PIK3CD: variants seen among roughly 807,000 people sequenced by gnomAD.
PIK3CD encodes phosphatidylinositol 4,5-bisphosphate 3-kinase catalytic subunit delta isoform.
A neutral mutation model predicts 122.9 loss-of-function variants in PIK3CD; 20 were observed. The ratio of observed to expected loss-of-function variants is 0.16; its 90% CI spans 0.11 to 0.24. The LOEUF (loss-of-function observed/expected upper bound fraction) is 0.24. Ranked by LOEUF, PIK3CD falls within the 10% of genes least tolerant of loss-of-function variation. The pLI is 1.00. For missense variants in PIK3CD, 787 were observed against 1,406.3 expected, an observed-to-expected ratio of 0.56 and a Z score of 7.04; for synonymous variants, 596 against 593.4, an observed-to-expected ratio of 1.00 and a Z score of -0.06.
chr1:9,661,773 GA>G, intron 1 of PIK3CD, among the ~76,000 whole-genome samples: 1 of 152,162 alleles, frequency 6.6e-6, no homozygotes, highest in East Asian at 1.9e-4. Context: ...GAGGCGGACG[GA>G]TCACGAGGTT....
At chr1:9,645,947 T>C in the PIK3CD span, among the ~76,000 whole-genome samples, 1 of 151,794 alleles carries the variant, frequency 6.6e-6, no homozygotes, top group South Asian at 2.1e-4. Flanking sequence ...TTTATTTTTA[T>C]TTTTAGTAGA....
chr1:9,646,254 G>A, the PIK3CD span, among the ~76,000 whole-genome samples: 3 of 152,148 alleles, frequency 2.0e-5, no homozygotes, highest in Non-Finnish European at 4.4e-5. Flanking sequence ...CTTGCTGGGC[G>A]GTTGTACGTA....
chr1:9,698,296 C>T lies in PIK3CD; in HGVS notation c.-33+6725C>T, dbSNP rs150663583. ...TAGCTGGGATTATAGGCATGCGCCACCACGCCCAACTAATTTTGTGTTTTT... is the reference window on the plus strand; with the variant it reads ...TAGCTGGGATTATAGGCATGCGCCATCACGCCCAACTAATTTTGTGTTTTT... On this transcript the variant is annotated intron_variant, in intron 2 of 23. Transcript: ENST00000377346. Among the ~76,000 whole-genome samples the T allele has an allele frequency of 9.0e-3, 1,375 of 152,236 alleles. 21 individuals carry two copies. The highest frequency in any genetic ancestry group is 0.03 in the African/African-American group (1,257 of 41,554).
intron 1 of PIK3CD, among the ~76,000 whole-genome samples, chr1:9,664,141 C>T (rs550576997): frequency 7.9e-5 from 12 of 151,200 alleles, no homozygotes; most frequent in African/African-American, 2.2e-4. Flanking sequence ...CTCCACCTCC[C>T]GGGTTCAAGT....
rs1333420186 is a variant in PIK3CD, at chr1:9,689,748, T to C, written c.-137-1719T>C. Among the ~76,000 whole-genome samples the C allele has an allele frequency of 2.0e-5, 3 of 150,456 alleles. No individual in the cohort carries two copies. The highest frequency in any genetic ancestry group is 1.5e-5 in the Non-Finnish European group (1 of 67,390). ...TACGGAGCCCACCTGTGCGGGCGTC[T>C]GCGGGGTCCCCGTGCCCCGCCCCCA... is the stretch of plus-strand genomic sequence containing the variant. On this transcript the variant is annotated intron_variant, in intron 1 of 23. Coordinates refer to ENST00000377346, the MANE Select transcript of PIK3CD (RefSeq NM_005026.5). This position sits in a 1 kb window ranked among gnomAD's most constrained non-coding sequence, Gnocchi z 6.1.
Position 9,723,676 on chromosome 1 carries a change from G to T in PIK3CD, c.2595-293G>T, listed in dbSNP as rs1649045631. 6.6e-6 allele frequency among the ~76,000 whole-genome samples: 1 copy of T among 152,144 alleles called. No homozygotes were observed. The highest frequency in any genetic ancestry group is 2.1e-4 in the South Asian group (1 of 4,822). On this transcript the variant is annotated intron_variant, in intron 20 of 23. Transcript: ENST00000377346. This position sits in a 1 kb window ranked among gnomAD's most constrained non-coding sequence, Gnocchi z 4.9. Reference sequence around the variant, plus strand: ...TGAGATAACCCATCTCATTCCTGGGGCCTTGGCGCCAGCTGTCTGTGATGC... The same window carrying T: ...TGAGATAACCCATCTCATTCCTGGGTCCTTGGCGCCAGCTGTCTGTGATGC...
At chr1:9,661,830 A>C (rs1314482769) in intron 1 of PIK3CD, among the ~76,000 whole-genome samples, 1 of 152,090 alleles carries the variant, frequency 6.6e-6, no homozygotes, top group Admixed American at 6.6e-5. Context: ...CCCTGTCTCT[A>C]TTAAAAATAC....
chr1:9,718,969 C>A lies in PIK3CD; in HGVS notation c.1242+54C>A. On this transcript the variant is annotated intron_variant, in intron 9 of 23. Transcript: ENST00000377346. The surrounding 1 kb of genome is among the most constrained non-coding windows in gnomAD (Gnocchi z 7.2). ...GCAGACCCCGGAGAGCCAGTACAGC[C>A]CCTTGCTGGGCCACTCACCACTCTC... 3 of 1,524,230 alleles carry A rather than the reference C, an allele frequency of 2.0e-6. No individual in the cohort carries two copies. Among genetic ancestry groups the A allele is most frequent in the Non-Finnish European group, 2.7e-6 (3 of 1,108,928 alleles). The allele number at this position is 1,524,230 out of a possible 1,614,324, so 94.4% of individuals were successfully genotyped here.
chr1:9,683,701 A>G (rs1362739096), intron 1 of PIK3CD, among the ~76,000 whole-genome samples: 1 of 152,100 alleles, frequency 6.6e-6, no homozygotes, highest in Non-Finnish European at 1.5e-5. Context: ...GCCTGTCCCA[A>G]GCTCAGCGGT....
intron 1 of PIK3CD, among the ~76,000 whole-genome samples, chr1:9,670,895 C>T (rs778648007): frequency 4.0e-5 from 6 of 150,936 alleles, no homozygotes; most frequent in African/African-American, 7.3e-5. Flanking sequence ...GTAGCTGGGA[C>T]CACAGGCGCC....
chr1:9,703,312 C>CT (rs1646716500), intron 2 of PIK3CD, among the ~76,000 whole-genome samples: 1 of 152,256 alleles, frequency 6.6e-6, no homozygotes, highest in Non-Finnish European at 1.5e-5. Flanking sequence ...TCCCCATGGC[C>CT]TGGGCAAACT....
At chr1:9,637,442 G>A in the PIK3CD span, among the ~76,000 whole-genome samples, 1 of 152,166 alleles carries the variant, frequency 6.6e-6, no homozygotes, top group South Asian at 2.1e-4. Context: ...CTTGAGCCCG[G>A]GAGATCGAGG....
intron 1 of PIK3CD, among the ~76,000 whole-genome samples, chr1:9,656,664 C>T (rs1206492153): frequency 5.3e-5 from 8 of 152,052 alleles, no homozygotes; most frequent in Non-Finnish European, 1.2e-4. Context: ...AGCAATGGGC[C>T]GGGTGTGATA....
intron 1 of PIK3CD, chr1:9,653,466 C>T: frequency 8.1e-6 from 2 of 247,572 alleles, no homozygotes; most frequent in Non-Finnish European, 1.6e-5. Context: ...CCGACGCCAG[C>T]GCGTTTAATC....
chr1:9,723,154 G>C lies in PIK3CD; in HGVS notation c.2456G>C (p.Gly819Ala). The C allele has an allele frequency of 6.2e-7, 1 of 1,613,714 alleles. No homozygotes were observed. The highest frequency in any genetic ancestry group is 8.5e-7 in the Non-Finnish European group (1 of 1,180,010). The change falls in exon 20 of 24, where the codon GGG becomes GCG. Residue 819 changes from glycine (G) to alanine (A), a missense_variant. Coordinates refer to ENST00000377346, the MANE Select transcript of PIK3CD (RefSeq NM_005026.5). The surrounding 1 kb of genome is among the most constrained non-coding windows in gnomAD (Gnocchi z 4.9). ...ACCCCCTATGGCTGCCTCCCCACCGGGGACCGCACAGGCCTCATTGAGGTG... is the reference window on the plus strand; with the variant it reads ...ACCCCCTATGGCTGCCTCCCCACCGCGGACCGCACAGGCCTCATTGAGGTG... ...RMTPYGCLPT[G>A]DRTGLIEVVL...
the PIK3CD span, among the ~76,000 whole-genome samples, chr1:9,636,247 G>A: frequency 1.3e-5 from 2 of 152,166 alleles, no homozygotes; most frequent in Non-Finnish European, 2.9e-5. Context: ...AGGCTGGAGT[G>A]CAGCAGTGCA....
chr1:9,668,564 C>T (rs2100949271), intron 1 of PIK3CD, among the ~76,000 whole-genome samples: 1 of 151,600 alleles, frequency 6.6e-6, no homozygotes, highest in East Asian at 1.9e-4. Flanking sequence ...GATTCTGATG[C>T]ACCCGTCACC....
chr1:9,637,118 C>G, the PIK3CD span, among the ~76,000 whole-genome samples: 5 of 152,036 alleles, frequency 3.3e-5, no homozygotes, highest in Admixed American at 3.3e-4. Context: ...AGGATGGTCT[C>G]GATCTCCTGA....
chr1:9,723,363 C>A lies in PIK3CD; in HGVS notation c.2594+71C>A. 6.6e-7 allele frequency: 1 copy of A among 1,513,738 alleles called. No homozygotes were observed. The highest frequency in any genetic ancestry group is 1.1e-5 in the South Asian group (1 of 88,920). The allele number at this position is 1,513,738 out of a possible 1,614,324, so 93.8% of individuals were successfully genotyped here. A position where few individuals can be genotyped will look rare whatever the true frequency, so the allele number is the denominator to read the frequency against. ...TGTGGAGTGGGAGGGCCTCGCCTGT[C>A]AGAACAAAGGAGCGGGGAGGGGCCT... On this transcript the variant is annotated intron_variant, in intron 20 of 23. Transcript: ENST00000377346. The surrounding 1 kb of genome is among the most constrained non-coding windows in gnomAD (Gnocchi z 4.9).
Sources: allele counts gnomAD v4.1 joint callset (sites outside exome capture counted in the v4.1 genomes callset), GRCh38; gene constraint gnomAD v4.1.1; non-coding constraint Gnocchi (gnomAD v3.1); transcripts MANE v1.5; gene names NCBI Gene and HGNC (gene_info 2026-07-23, HGNC 2026-07-21).